The following GREB1L variants were observed in gnomAD, a reference collection of about 807,000 sequenced individuals.
GREB1L encodes GREB1 like retinoic acid receptor coactivator, also known as GREB1-like protein.
A neutral mutation model predicts 200.8 loss-of-function variants in GREB1L; 17 were observed. That is an observed-to-expected ratio of 0.08 (90% confidence interval 0.06 to 0.13). The LOEUF (loss-of-function observed/expected upper bound fraction) is 0.13, where lower values mean the gene tolerates loss of function less well. Among genes scored for constraint, GREB1L ranks in the 10% least tolerant of loss-of-function variants. The pLI, the probability that GREB1L is intolerant of heterozygous loss-of-function variation, is 1.00. For synonymous variants in GREB1L, 789 were observed against 893.0 expected, an observed-to-expected ratio of 0.88 and a Z score of 2.08; for missense variants, 1,657 against 2,367.7, an observed-to-expected ratio of 0.70 and a Z score of 6.23.
At chr18:21,279,512 T>TA (rs1412663944) in intron 1 of GREB1L, among the ~76,000 whole-genome samples, 1 of 152,234 alleles carries the variant, frequency 6.6e-6, no homozygotes, top group Non-Finnish European at 1.5e-5. Context: ...GTTATACTTT[T>TA]AGATACATAA....
At chr18:21,281,060 C>G (rs1598626962) in intron 1 of GREB1L, among the ~76,000 whole-genome samples, 1 of 152,226 alleles carries the variant, frequency 6.6e-6, no homozygotes, top group Non-Finnish European at 1.5e-5. Context: ...CCACCCACAA[C>G]TCTGGCTGTC....
rs2038107532 is a variant in GREB1L, at chr18:21,273,277, GA to G, written c.-120+30886del. Among the ~76,000 whole-genome samples the G allele has an allele frequency of 3.9e-5, 6 of 152,066 alleles. No individual in the cohort carries two copies. In the South Asian group the frequency reaches 1.2e-3, roughly 32 times the overall value. On this transcript the variant is annotated intron_variant, in intron 1 of 32. Transcript: ENST00000424526. ...GTAGCATAAATGATAATGATAATTTGAACTAGCTGCTCACAAATAATTAACA... is the reference window on the plus strand; with the variant it reads ...GTAGCATAAATGATAATGATAATTTGACTAGCTGCTCACAAATAATTAACA...
At chr18:21,386,757 G>A (rs1439628878) in intron 4 of GREB1L, among the ~76,000 whole-genome samples, 9 of 150,618 alleles carry the variant, frequency 6.0e-5, no homozygotes, top group African/African-American at 1.7e-4. Flanking sequence ...CGCCTGCCTC[G>A]GCCTCCCAAA....
At chr18:21,485,579 A>G in intron 17 of GREB1L, 41 bp from the exon 18 acceptor site, 1 of 1,539,852 alleles carries the variant, frequency 6.5e-7, no homozygotes, top group East Asian at 2.5e-5. Context: ...GACACACTGT[A>G]TCCTGTCCTC....
chr18:21,374,273 G>A (rs2039986988), intron 2 of GREB1L, among the ~76,000 whole-genome samples: 2 of 152,080 alleles, frequency 1.3e-5, no homozygotes, highest in African/African-American at 2.4e-5. Context: ...CAAATTGCTG[G>A]GATTACAGGT....
chr18:21,291,083 G>A (rs1040127938), intron 1 of GREB1L, among the ~76,000 whole-genome samples: 3 of 151,842 alleles, frequency 2.0e-5, no homozygotes, highest in Non-Finnish European at 4.4e-5. Context: ...TAATTTCTAG[G>A]CCAATATTCT....
chr18:21,490,672 G>T (rs1484218396), intron 19 of GREB1L, among the ~76,000 whole-genome samples: 3 of 152,078 alleles, frequency 2.0e-5, no homozygotes, highest in African/African-American at 7.2e-5. Context: ...ATGGCCATCT[G>T]TTTTCTGAGA....
rs1467126174 is a variant in GREB1L at position 21,242,253 on chromosome 18, G to C, written c.-260G>C. 2.0e-5 allele frequency: 3 copies of C among 152,036 alleles called. No individual in the cohort carries two copies. The highest frequency in any genetic ancestry group is 2.0e-4 in the Admixed American group (3 of 15,252). The allele number at this position is 152,036 out of a possible 1,614,324, so 9.4% of individuals were successfully genotyped here. ...TGCCAGAGAGACGCCAGCCGCCGGCGGCGCTAGCACCTCGGAGTCGGGCGG... is the reference window on the plus strand; with the variant it reads ...TGCCAGAGAGACGCCAGCCGCCGGCCGCGCTAGCACCTCGGAGTCGGGCGG... On this transcript the variant is annotated 5_prime_UTR_variant, in exon 1 of 33. Transcript: ENST00000424526.
At chr18:21,306,107 C>T (rs375616088) in intron 1 of GREB1L, among the ~76,000 whole-genome samples, 3 of 152,118 alleles carry the variant, frequency 2.0e-5, no homozygotes, top group Admixed American at 6.5e-5. Flanking sequence ...TATTGTAATT[C>T]GCCATCCCCA....
intron 7 of GREB1L, among the ~76,000 whole-genome samples, chr18:21,433,403 T>C (rs1252868686): frequency 1.3e-5 from 2 of 152,238 alleles, no homozygotes; most frequent in Non-Finnish European, 1.5e-5. Flanking sequence ...TAAACTAGTA[T>C]AGAAAGCTGC....
chr18:21,329,642 C>T (rs2039077357), intron 1 of GREB1L, among the ~76,000 whole-genome samples: 1 of 152,126 alleles, frequency 6.6e-6, no homozygotes, highest in Non-Finnish European at 1.5e-5. Context: ...GCTCAAGTTT[C>T]ATTCTAACCA....
chr18:21,438,645 G>C (rs1444368493), intron 7 of GREB1L, among the ~76,000 whole-genome samples: 1 of 151,952 alleles, frequency 6.6e-6, no homozygotes, highest in Non-Finnish European at 1.5e-5. Flanking sequence ...CTCTAGCCTG[G>C]GTGACAGTGA....
intron 1 of GREB1L, among the ~76,000 whole-genome samples, chr18:21,280,918 C>T (rs894660580): frequency 1.3e-5 from 2 of 152,144 alleles, no homozygotes; most frequent in African/African-American, 4.8e-5. Flanking sequence ...AACCTAGCCT[C>T]CTGTCATGAT....
In GREB1L at chr18:21,444,308, A is replaced by G. The variant is rs572961577; in HGVS notation, c.1292A>G (p.Gln431Arg). The G allele has an allele frequency of 3.4e-5, 52 of 1,551,860 alleles. No individual in the cohort carries two copies. The South Asian group carries it at 5.7e-4, about 17-fold the overall frequency. The change falls in exon 11 of 33, where the codon CAG becomes CGG. Residue 431 changes from glutamine (Q) to arginine (R), a missense_variant. Coordinates refer to ENST00000424526, the MANE Select transcript of GREB1L (RefSeq NM_001142966.3). ...PLLVNCYKIPQLENKDLEKLG... is the reference protein window; with the variant it reads ...PLLVNCYKIPRLENKDLEKLG... ...CTGGTGAATTGCTACAAGATTCCAC[A>G]GTTGGAAAACAAAGATTTGGAAAAA...
At chr18:21,293,651 G>A (rs185206374) in intron 1 of GREB1L, among the ~76,000 whole-genome samples, 6 of 152,244 alleles carry the variant, frequency 3.9e-5, no homozygotes, top group South Asian at 4.2e-4. Flanking sequence ...AACAGTATGT[G>A]TAAATATGCC....
At chr18:21,479,822 C>T (rs967151933) in intron 17 of GREB1L, among the ~76,000 whole-genome samples, 1 of 152,070 alleles carries the variant, frequency 6.6e-6, no homozygotes, top group African/African-American at 2.4e-5. Flanking sequence ...CTCACTGCAG[C>T]CTCAAACTCC....
At chr18:21,321,687 C>CA (rs1027060925) in intron 1 of GREB1L, among the ~76,000 whole-genome samples, 38 of 150,848 alleles carry the variant, frequency 2.5e-4, no homozygotes, top group Middle Eastern at 3.4e-3. Context: ...GACTATGTCT[C>CA]AAAAAAAACA....
At chr18:21,445,468 C>A (rs1331889726) in intron 11 of GREB1L, among the ~76,000 whole-genome samples, 7 of 151,168 alleles carry the variant, frequency 4.6e-5, no homozygotes, top group African/African-American at 1.7e-4. Context: ...GAGTGAAACT[C>A]CATCTCAAAA....
intron 15 of GREB1L, among the ~76,000 whole-genome samples, chr18:21,462,056 G>A (rs1473064560): frequency 6.6e-6 from 1 of 152,164 alleles, no homozygotes; most frequent in African/African-American, 2.4e-5. Context: ...GTTGCAAGAT[G>A]TCAGGAAGGA....
Sources: allele counts gnomAD v4.1 joint callset (sites outside exome capture counted in the v4.1 genomes callset), GRCh38; gene constraint gnomAD v4.1.1; transcripts MANE v1.5; gene names NCBI Gene and HGNC (gene_info 2026-07-23, HGNC 2026-07-21).